The following NARS2 variants were observed in gnomAD, a reference collection of about 807,000 sequenced individuals.
The protein encoded by NARS2 is asparaginyl-tRNA synthetase 2, mitochondrial, also known as asparaginyl-tRNA synthetase.
A neutral mutation model predicts 62.9 loss-of-function variants in NARS2; 60 were observed. The ratio of observed to expected loss-of-function variants is 0.95; its 90% confidence interval spans 0.77 to 1.18. The LOEUF (loss-of-function observed/expected upper bound fraction) is 1.18, where lower values mean the gene tolerates loss of function less well. Among genes scored for constraint, NARS2 ranks in the 50% most tolerant of loss-of-function variants. The pLI is 0.00. For synonymous variants in NARS2, 196 were observed against 200.0 expected (o/e 0.98, Z 0.17); for missense variants, 619 against 576.4 (o/e 1.07, Z -0.76).
In NARS2 at chr11:78,515,214, C is replaced by T. The variant is rs141562250; in HGVS notation, c.689+13628G>A. 5.3e-5 allele frequency among the ~76,000 whole-genome samples: 8 copies of T among 152,126 alleles called. No individual in the cohort carries two copies. The East Asian group carries it at 1.5e-3, about 29-fold the overall frequency. On this transcript the variant is annotated intron_variant, in intron 6 of 13. Transcript: ENST00000281038. The stretch of plus-strand genomic sequence containing the variant: ...AGTTTACATATGAACAGTAAATGCT[C>T]CCCCACCCACCCATCAGCATAGCTA...
chr11:78,485,585 T>G (rs1326898531), intron 7 of NARS2, among the ~76,000 whole-genome samples: 1 of 152,164 alleles, frequency 6.6e-6, no homozygotes, highest in Non-Finnish European at 1.5e-5. Flanking sequence ...ACGTTGTTGA[T>G]CTGTTTAGTA....
At chr11:78,484,526 C>G (rs1859491037) in intron 7 of NARS2, among the ~76,000 whole-genome samples, 1 of 152,022 alleles carries the variant, frequency 6.6e-6, no homozygotes, top group African/African-American at 2.4e-5. Flanking sequence ...CTACAAGGAA[C>G]TTAAACAAAT....
chr11:78,533,347 T>C (rs1428010507), intron 5 of NARS2: 1 of 152,220 alleles, frequency 6.6e-6, no homozygotes, highest in African/African-American at 2.4e-5. Flanking sequence ...TATTTGTGTA[T>C]ATTTGTGATT....
chr11:78,513,633 C>T (rs1009246138), intron 6 of NARS2, among the ~76,000 whole-genome samples: 1 of 151,988 alleles, frequency 6.6e-6, no homozygotes. Flanking sequence ...CAAAAATTAG[C>T]CGGGCGTAGT....
At chr11:78,557,054 A>G (rs886370087) in intron 5 of NARS2, among the ~76,000 whole-genome samples, 2 of 152,210 alleles carry the variant, frequency 1.3e-5, no homozygotes, top group Admixed American at 1.3e-4. Flanking sequence ...ACTTCTTACA[A>G]TGTATTCAGT....
At chr11:78,554,799 A>T (rs1856285162) in intron 5 of NARS2, among the ~76,000 whole-genome samples, 1 of 152,136 alleles carries the variant, frequency 6.6e-6, no homozygotes, top group Non-Finnish European at 1.5e-5. Context: ...GACTTCCAAT[A>T]CTATGTTGAA....
intron 7 of NARS2, among the ~76,000 whole-genome samples, chr11:78,489,170 G>A (rs1396420155): frequency 6.6e-6 from 1 of 152,006 alleles, no homozygotes; most frequent in African/African-American, 2.4e-5. Context: ...TACTTATTAG[G>A]AGAACACAGA....
chr11:78,564,535 T>C (rs1306590923), intron 4 of NARS2, among the ~76,000 whole-genome samples: 1 of 152,214 alleles, frequency 6.6e-6, no homozygotes, highest in Non-Finnish European at 1.5e-5. Flanking sequence ...TGTCTTACTT[T>C]TTAATTGTTT....
At chr11:78,443,080 C>T (rs1857624219) in intron 12 of NARS2, among the ~76,000 whole-genome samples, 2 of 152,022 alleles carry the variant, frequency 1.3e-5, no homozygotes, top group Admixed American at 1.3e-4. Context: ...AATCCCAGCA[C>T]TCTGGGAGGC....
intron 9 of NARS2, among the ~76,000 whole-genome samples, chr11:78,475,214 C>A (rs1859038613): frequency 6.6e-6 from 1 of 152,174 alleles, no homozygotes; most frequent in Non-Finnish European, 1.5e-5. Context: ...AGCATTAAGT[C>A]TTCCAGGTTG....
At chr11:78,505,824 A>C (rs1860473528) in intron 6 of NARS2, among the ~76,000 whole-genome samples, 3 of 152,176 alleles carry the variant, frequency 2.0e-5, no homozygotes, top group African/African-American at 7.2e-5. Flanking sequence ...TGGACAGGAT[A>C]AAGAAATTCA....
intron 7 of NARS2, among the ~76,000 whole-genome samples, chr11:78,478,942 A>G (rs1299850043): frequency 6.6e-6 from 1 of 152,226 alleles, no homozygotes; most frequent in Non-Finnish European, 1.5e-5. Context: ...TGAGATGTCA[A>G]ATGAACAGCT....
At chr11:78,500,418 G>C (rs1387009879) in intron 6 of NARS2, among the ~76,000 whole-genome samples, 1 of 152,162 alleles carries the variant, frequency 6.6e-6, no homozygotes, top group Non-Finnish European at 1.5e-5. Flanking sequence ...ATGGATCAAA[G>C]TTACTTTTTG....
At chr11:78,469,419 C>T in intron 9 of NARS2, 106 bp from the exon 10 acceptor site, 1 of 755,256 alleles carries the variant, frequency 1.3e-6, no homozygotes. Context: ...ACTGTGAGGT[C>T]ATGAATAATC....
At chr11:78,574,006 CAAG>C (rs1203276764) in intron 1 of NARS2, among the ~76,000 whole-genome samples, 4 of 152,170 alleles carry the variant, frequency 2.6e-5, no homozygotes, top group African/African-American at 9.7e-5. Context: ...TTTCTGCTCT[CAAG>C]GAGGGAGGTC....
chr11:78,492,790 T>C (rs1261880546), intron 7 of NARS2, among the ~76,000 whole-genome samples: 4 of 152,190 alleles, frequency 2.6e-5, no homozygotes, highest in Admixed American at 6.5e-5. Flanking sequence ...GTAAGCACAA[T>C]TATTCTCATT....
Position 78,465,889 on chromosome 11 carries a change from C to A in NARS2, c.1151G>T (p.Gly384Val). 1.2e-6 allele frequency: 2 copies of A among 1,614,098 alleles called. No homozygotes were observed. Among genetic ancestry groups the A allele is most frequent in the East Asian group, 4.5e-5 (2 of 44,884 alleles). Residue 384 changes from glycine to valine, a missense_variant, in exon 11 of 14, where the codon GGC becomes GTC. Coordinates refer to ENST00000281038, the MANE Select transcript of NARS2 (RefSeq NM_024678.6). The stretch of plus-strand genomic sequence containing the variant: ...ATCTCTTCTTACCGTGTGCTGAGGG[C>A]CATCTTCATTATCCCTCATGTAGAA... ...KPFYMRDNED[G>V]PQHTVAAVDL...
intron 6 of NARS2, among the ~76,000 whole-genome samples, chr11:78,493,541 C>T (rs911966658): frequency 1.3e-5 from 2 of 152,060 alleles, no homozygotes; most frequent in Non-Finnish European, 2.9e-5. Flanking sequence ...GCCTATAGGT[C>T]CAGCTACTTG....
In NARS2 at chr11:78,465,940, A is replaced by G. The variant is rs755592114; in HGVS notation, c.1100T>C (p.Ile367Thr). The G allele has an allele frequency of 3.1e-6, 5 of 1,614,026 alleles. No individual in the cohort carries two copies. The African/African-American group carries it at 4.0e-5, about 13-fold the overall frequency. Residue 367 changes from isoleucine to threonine, a missense_variant, in exon 11 of 14, where the codon ATT becomes ACT. Coordinates refer to ENST00000281038, the MANE Select transcript of NARS2 (RefSeq NM_024678.6). Reference protein sequence around the residue: ...KHCGNIPVFVINYPLTLKPFY... With the variant: ...KHCGNIPVFVTNYPLTLKPFY... ...AGGCTTGAGTGTTAATGGATAATTAATAACGAAGACAGGTATGTTGCCACA... is the reference window on the plus strand; with the variant it reads ...AGGCTTGAGTGTTAATGGATAATTAGTAACGAAGACAGGTATGTTGCCACA...
Sources: gnomAD v4.1 joint callset for allele counts (sites outside exome capture counted in the v4.1 genomes callset) on GRCh38, gnomAD v4.1.1 for gene constraint, MANE v1.5 for transcripts, NCBI Gene and HGNC (gene_info 2026-07-23, HGNC 2026-07-21) for gene names.